Variants in FAAP20 observed in about 807,000 individuals in gnomAD.
FAAP20 encodes the protein FA core complex associated protein 20, also known as Fanconi anemia core complex-associated protein 20.
Under a neutral mutation model 16.2 loss-of-function variants are expected in FAAP20, and 12 were observed. That is an observed-to-expected ratio of 0.74 (90% CI 0.48 to 1.20). FAAP20 has a LOEUF of 1.20. FAAP20 is among the 50% of genes most tolerant of loss of function. FAAP20 has a pLI of 0.00. For missense variants in FAAP20, 288 were observed against 245.8 expected (o/e 1.17, Z -1.15); for synonymous variants, 141 against 110.7 (o/e 1.27, Z -1.72).
chr1:2,187,793 G>A (rs1041784061), downstream of FAAP20, among the ~76,000 whole-genome samples: 12 of 152,200 alleles, frequency 7.9e-5, no homozygotes, highest in African/African-American at 1.2e-4. Context: ...CAGAGTTCCC[G>A]CCCAGCTCGC....
intron 3 of FAAP20, among the ~76,000 whole-genome samples, chr1:2,206,023 C>A (rs927457680): frequency 9.2e-5 from 14 of 152,250 alleles, no homozygotes; most frequent in African/African-American, 3.4e-4. Flanking sequence ...AGGGCCCAGG[C>A]AGGAGAGGGG....
chr1:2,195,966 G>A (rs1688802329), upstream of FAAP20, among the ~76,000 whole-genome samples: 2 of 152,198 alleles, frequency 1.3e-5, no homozygotes, highest in South Asian at 4.1e-4. Flanking sequence ...CCGGGCAGGG[G>A]GAGGGGGCCT....
downstream of FAAP20, chr1:2,184,761 C>G (rs1687309445): frequency 4.6e-6 from 7 of 1,506,202 alleles, no homozygotes; most frequent in Non-Finnish European, 5.4e-6. Flanking sequence ...CAGGCCGGCA[C>G]CTTGGGCAGC....
chr1:2,211,522 C>G (rs1386695611), downstream of FAAP20, among the ~76,000 whole-genome samples: 2 of 132,200 alleles, frequency 1.5e-5, no homozygotes, highest in Non-Finnish European at 3.1e-5. Flanking sequence ...TCTGGGCTCA[C>G]TACAAGTTCC....
chr1:2,193,064 C>T (rs1480471176), intron 3 of FAAP20: 4 of 1,245,064 alleles, frequency 3.2e-6, no homozygotes, highest in African/African-American at 1.5e-5. Flanking sequence ...CCAAAAGTTA[C>T]GAACCAGCAT....
At chr1:2,198,290 G>T, upstream of FAAP20, 1 of 762,022 alleles carries the variant, frequency 1.3e-6, no homozygotes, top group Non-Finnish European at 1.8e-6. Context: ...AGTGGGTGGG[G>T]GCATCAGAGC....
upstream of FAAP20, among the ~76,000 whole-genome samples, chr1:2,204,150 C>T (rs964245656): frequency 5.3e-5 from 8 of 152,244 alleles, no homozygotes; most frequent in East Asian, 5.8e-4. Flanking sequence ...CCCTCACAGA[C>T]GGCCTCACAG....
At chr1:2,201,467 A>G (rs566760802), upstream of FAAP20, among the ~76,000 whole-genome samples, 73 of 152,322 alleles carry the variant, frequency 4.8e-4, no homozygotes, top group African/African-American at 1.6e-3. Flanking sequence ...CACCTGTCAA[A>G]TCTCAGCACT....
rs762789045 is a variant in FAAP20 at position 2,193,748 on chromosome 1, G to A, written c.361C>T (p.Arg121Cys). The A allele has an allele frequency of 5.7e-6, 9 of 1,591,892 alleles. No homozygotes were observed. Among genetic ancestry groups the A allele is most frequent in the Non-Finnish European group, 7.7e-6 (9 of 1,172,844 alleles). The change falls in exon 3 of 4, where the codon CGC becomes TGC. Residue 121 changes from arginine to cysteine, a missense_variant. Transcript: ENST00000378546. ...LESPARSLPQ[R>C]PAPDPCRAPR... ...GCCCTGCAGGGATCAGGTGCCGGGCGCTGGGGCAGGGACCTGGCGGGGGAT... is the reference window on the plus strand; with the variant it reads ...GCCCTGCAGGGATCAGGTGCCGGGCACTGGGGCAGGGACCTGGCGGGGGAT...
downstream of FAAP20, chr1:2,186,044 T>C (rs1687545183): frequency 2.2e-6 from 1 of 452,350 alleles, no homozygotes; most frequent in Non-Finnish European, 4.5e-6. Context: ...TGAGGCTTCC[T>C]AGAGGCAGGG....
At chr1:2,187,449 C>T (rs1262726917), downstream of FAAP20, among the ~76,000 whole-genome samples, 2 of 152,062 alleles carry the variant, frequency 1.3e-5, no homozygotes, top group African/African-American at 4.8e-5. Context: ...GGATTACAGG[C>T]ACCTGCCCCA....
upstream of FAAP20, chr1:2,198,216 C>G: frequency 2.4e-6 from 3 of 1,232,216 alleles, no homozygotes; most frequent in Non-Finnish European, 3.2e-6. Context: ...AGCCAAAATT[C>G]ATGTTTACAA....
chr1:2,203,302 C>T, upstream of FAAP20: 1 of 589,262 alleles, frequency 1.7e-6, no homozygotes, highest in Non-Finnish European at 2.1e-6. Flanking sequence ...GCCCTCCCTT[C>T]TGCCGCCTTC....
At chr1:2,193,381 G>C in intron 3 of FAAP20, 1 of 585,686 alleles carries the variant, frequency 1.7e-6, no homozygotes, top group South Asian at 2.5e-5. Flanking sequence ...CCCGGGGCCA[G>C]TGCTCCCAGC....
downstream of FAAP20, chr1:2,184,511 G>A (rs1309418859): frequency 1.9e-5 from 20 of 1,078,944 alleles, no homozygotes; most frequent in Non-Finnish European, 2.7e-5. Flanking sequence ...TGATTGAAGT[G>A]CGTGCAAAAC....
At position 2,193,842 on chromosome 1, in the gene FAAP20, G is replaced by A. The variant is rs981592876; in HGVS notation, c.267C>T (p.Pro89=). Residue 89 remains proline (P), a synonymous_variant, in exon 3 of 4, where the codon CCC becomes CCT. Coordinates refer to ENST00000378546, the MANE Select transcript of FAAP20 (RefSeq NM_182533.4). The part of the protein sequence containing the change: ...TVGPKTFSWT[P]FPPDLWGPGR... ...CCGGGCCCCACAGGTCCGGCGGAAA[G>A]GGTGTCCAGGAAAAGGTCTTGGGTC... is the stretch of plus-strand genomic sequence containing the variant. The A allele has an allele frequency of 2.5e-6, 4 of 1,611,958 alleles. No individual in the cohort carries two copies. Among genetic ancestry groups the A allele is most frequent in the South Asian group, 1.1e-5 (1 of 91,064 alleles).
upstream of FAAP20, chr1:2,200,524 G>T: frequency 1.5e-6 from 1 of 667,294 alleles, no homozygotes; most frequent in Non-Finnish European, 1.9e-6. Flanking sequence ...GCAGGCAGCA[G>T]CCACCCAGAG....
chr1:2,211,118 C>T (rs1297110685), downstream of FAAP20, among the ~76,000 whole-genome samples: 1 of 152,080 alleles, frequency 6.6e-6, no homozygotes, highest in Admixed American at 6.5e-5. Context: ...GCAGACCGTG[C>T]TGTACACCAT....
chr1:2,204,350 C>A (rs1046986459), upstream of FAAP20, among the ~76,000 whole-genome samples: 1 of 152,282 alleles, frequency 6.6e-6, no homozygotes, highest in Non-Finnish European at 1.5e-5. Flanking sequence ...GAATCTCCTG[C>A]GCTTCCTCAG....
Sources: allele counts gnomAD v4.1 joint callset (sites outside exome capture counted in the v4.1 genomes callset), GRCh38; gene constraint gnomAD v4.1.1; transcripts MANE v1.5; gene names NCBI Gene and HGNC (gene_info 2026-07-23, HGNC 2026-07-21).